TENM2: variants seen among roughly 807,000 people sequenced by gnomAD.
The protein encoded by TENM2 is teneurin-2.
In TENM2, 52 loss-of-function variants were observed where a neutral mutation model predicts 245.2. The ratio of observed to expected loss-of-function variants is 0.21; its 90% CI spans 0.17 to 0.27. The LOEUF is 0.27. TENM2 is among the 10% of genes least tolerant of loss of function. The pLI is 1.00. For missense variants in TENM2, 3,046 were observed against 3,666.8 expected (o/e 0.83, Z 4.37); for synonymous variants, 1,363 against 1,438.9 (o/e 0.95, Z 1.19).
At chr5:167,355,134 G>A (rs1035143866) in intron 1 of TENM2, among the ~76,000 whole-genome samples, 1 of 152,212 alleles carries the variant, frequency 6.6e-6, no homozygotes, top group Non-Finnish European at 1.5e-5. Flanking sequence ...TTGGTTCTTA[G>A]CACACCTTTC....
At chr5:167,371,397 C>T (rs1200628868) in intron 1 of TENM2, among the ~76,000 whole-genome samples, 1 of 147,274 alleles carries the variant, frequency 6.8e-6, no homozygotes, top group African/African-American at 2.5e-5. Context: ...CTCTTGTTGC[C>T]CAGGCTCAGG....
intron 4 of TENM2, among the ~76,000 whole-genome samples, chr5:167,982,474 T>G (rs968641768): frequency 9.2e-5 from 14 of 152,210 alleles, no homozygotes; most frequent in African/African-American, 3.4e-4. Context: ...TACATACATA[T>G]ATTAAACACT....
intron 3 of TENM2, among the ~76,000 whole-genome samples, chr5:167,906,238 T>G (rs1413528396): frequency 6.6e-6 from 1 of 152,250 alleles, no homozygotes; most frequent in Non-Finnish European, 1.5e-5. Context: ...ACAGTTCAGA[T>G]TTAACACTTA....
chr5:167,128,838 T>G, the TENM2 span, among the ~76,000 whole-genome samples: 1 of 152,210 alleles, frequency 6.6e-6, no homozygotes, highest in African/African-American at 2.4e-5. Flanking sequence ...GTTATTAGTG[T>G]CCTATGTGTG....
At chr5:167,760,195 G>A (rs1762572360) in intron 2 of TENM2, among the ~76,000 whole-genome samples, 1 of 152,130 alleles carries the variant, frequency 6.6e-6, no homozygotes, top group Non-Finnish European at 1.5e-5. Flanking sequence ...GTCTTCCTAA[G>A]GGTGCAATAA....
chr5:167,426,775 A>T (rs1056966472), intron 2 of TENM2, among the ~76,000 whole-genome samples: 1 of 152,170 alleles, frequency 6.6e-6, no homozygotes, highest in Non-Finnish European at 1.5e-5. Context: ...GCGAATGTTT[A>T]TCAGGAATTT....
chr5:167,345,004 A>G (rs1187266505), intron 1 of TENM2, among the ~76,000 whole-genome samples: 1 of 152,242 alleles, frequency 6.6e-6, no homozygotes, highest in Non-Finnish European at 1.5e-5. Flanking sequence ...CTTAGAAGGC[A>G]GAGAGAGAAT....
intron 2 of TENM2, among the ~76,000 whole-genome samples, chr5:167,527,469 AC>A (rs1771201625): frequency 6.6e-6 from 1 of 151,632 alleles, no homozygotes; most frequent in Non-Finnish European, 1.5e-5. Flanking sequence ...CATTCTCTGG[AC>A]TCTGTCTGTA....
the TENM2 span, among the ~76,000 whole-genome samples, chr5:167,161,121 T>G: frequency 6.6e-6 from 1 of 152,360 alleles, no homozygotes; most frequent in African/African-American, 2.4e-5. Context: ...ATTGAACATA[T>G]TTCTTTCCTG....
At chr5:166,988,544 A>G in the TENM2 span, among the ~76,000 whole-genome samples, 2 of 152,178 alleles carry the variant, frequency 1.3e-5, no homozygotes, top group Non-Finnish European at 2.9e-5. Context: ...CATCTGTGCA[A>G]TTTGAATTAT....
chr5:167,635,806 A>G lies in TENM2; in HGVS notation c.503-240180A>G, dbSNP rs377526265. ...ACTACAGGCGCCTGCCACCACGCCC[A>G]GCTAATTTTTTGTATTTTTAGTAGA... On this transcript the variant is annotated intron_variant, in intron 2 of 28. Transcript: ENST00000518659. 1.1e-4 allele frequency among the ~76,000 whole-genome samples: 17 copies of G among 151,210 alleles called. No homozygotes were observed. The South Asian group carries it at 1.3e-3, about 11-fold the overall frequency.
At chr5:167,338,529 G>T (rs1172377124) in intron 1 of TENM2, among the ~76,000 whole-genome samples, 1 of 152,160 alleles carries the variant, frequency 6.6e-6, no homozygotes, top group Non-Finnish European at 1.5e-5. Context: ...AGCTGTAAGG[G>T]TAATAAATGT....
At chr5:167,674,458 A>G (rs577073112) in intron 2 of TENM2, among the ~76,000 whole-genome samples, 2 of 152,156 alleles carry the variant, frequency 1.3e-5, no homozygotes, top group African/African-American at 4.8e-5. Context: ...ACAAATTCAC[A>G]TTTTTTCCCA....
chr5:167,071,140 T>C, the TENM2 span, among the ~76,000 whole-genome samples: 3 of 152,184 alleles, frequency 2.0e-5, no homozygotes, highest in African/African-American at 7.2e-5. Context: ...TTTATAAATT[T>C]GTACTATTCC....
At chr5:168,090,737 A>G (rs1792869904) in exon 8 of TENM2, 8 of 1,613,774 alleles carry the variant, frequency 5.0e-6, no homozygotes, top group Non-Finnish European at 6.8e-6. Context: ...GGAAAAGACA[A>G]AGAGATGGTT....
the TENM2 span, among the ~76,000 whole-genome samples, chr5:167,000,148 A>C: frequency 4.6e-5 from 7 of 151,232 alleles, no homozygotes; most frequent in East Asian, 1.4e-3. Context: ...GCAATGTCAC[A>C]GTCAGTGGAA....
chr5:167,723,945 T>C lies in TENM2; in HGVS notation c.503-152041T>C, dbSNP rs1759811716. Among the ~76,000 whole-genome samples, 4 of 152,248 alleles carry C rather than the reference T, an allele frequency of 2.6e-5. No homozygotes were observed. In the South Asian group the frequency reaches 8.3e-4, roughly 31 times the overall value. ...TGGTGTCCCAGAAGGCTGTGAACTTTAGTGTTCAGACACACTGAGGTATAA... is the reference window on the plus strand; with the variant it reads ...TGGTGTCCCAGAAGGCTGTGAACTTCAGTGTTCAGACACACTGAGGTATAA... On this transcript the variant is annotated intron_variant, in intron 2 of 28. Coordinates refer to ENST00000518659, the Ensembl canonical transcript of TENM2.
intron 2 of TENM2, among the ~76,000 whole-genome samples, chr5:167,398,778 A>G (rs1762214381): frequency 6.6e-6 from 1 of 152,130 alleles, no homozygotes; most frequent in Admixed American, 6.6e-5. Context: ...TGTTATGATT[A>G]TTAAATGAGA....
chr5:167,777,227 G>A (rs1763870593), intron 2 of TENM2, among the ~76,000 whole-genome samples: 1 of 152,292 alleles, frequency 6.6e-6, no homozygotes, highest in Middle Eastern at 3.4e-3. Context: ...GTGTATATTA[G>A]CAAAGGAGAG....
Sources: allele counts gnomAD v4.1 joint callset (sites outside exome capture counted in the v4.1 genomes callset), GRCh38; gene constraint gnomAD v4.1.1; transcripts MANE v1.5; gene names NCBI Gene and HGNC (gene_info 2026-07-23, HGNC 2026-07-21).